Variants in NIBAN3 observed in about 807,000 individuals in gnomAD.
NIBAN3 encodes niban apoptosis regulator 3.
Under a neutral mutation model 76.4 loss-of-function variants are expected in NIBAN3, and 66 were observed. The observed-to-expected ratio is 0.86, with a 90% CI of 0.71 to 1.06. The LOEUF is 1.06. Among genes scored for constraint, NIBAN3 ranks in the 50% least tolerant of loss-of-function variants. NIBAN3 has a pLI of 0.00. For synonymous variants in NIBAN3, 360 were observed against 355.2 expected (o/e 1.01, Z -0.15); for missense variants, 808 against 810.7 (o/e 1.00, Z 0.04).
Position 17,539,252 on chromosome 19 carries a change from G to A in NIBAN3, c.698G>A (p.Gly233Asp), listed in dbSNP as rs2144723212. The change falls in exon 6 of 15, where the codon GGC (glycine) becomes GAC (aspartate). Residue 233 changes from glycine to aspartate, a missense_variant. Transcript: ENST00000599164. ...GHFGDDDVTLGSDAEVLTAVL... is the reference protein window; with the variant it reads ...GHFGDDDVTLDSDAEVLTAVL... ...TTTGGCGACGACGACGTGACCCTAG[G>A]CTCAGACGCCGAGGTTAGTGCCCCG... 6.2e-7 allele frequency: 1 copy of A among 1,604,344 alleles called. No individual in the cohort carries two copies. Among genetic ancestry groups the A allele is most frequent in the Non-Finnish European group, 8.5e-7 (1 of 1,175,822 alleles).
intron 4 of NIBAN3, among the ~76,000 whole-genome samples, chr19:17,535,618 C>A (rs1568447924): frequency 6.6e-6 from 1 of 152,008 alleles, no homozygotes; most frequent in Non-Finnish European, 1.5e-5. Flanking sequence ...CGTGGTGGCA[C>A]ACGCCTATAA....
intron 8 of NIBAN3, 75 bp from the exon 9 acceptor site, chr19:17,540,317 G>A: frequency 1.8e-6 from 2 of 1,138,714 alleles, no homozygotes; most frequent in Non-Finnish European, 2.3e-6. Context: ...CGTCCCCCTC[G>A]CGAGGGCCCC....
Position 17,542,341 on chromosome 19 carries a change from C to T in NIBAN3, c.1329+47C>T. 1 of 1,533,684 alleles carries T rather than the reference C, an allele frequency of 6.5e-7. No homozygotes were observed. Among genetic ancestry groups the T allele is most frequent in the Non-Finnish European group, 8.8e-7 (1 of 1,138,596 alleles). ...GATGAGGCCAGGCTGTGAAGACAGCCTCCACTGACCTCCTGCTAAGTGTGC... is the reference window on the plus strand; with the variant it reads ...GATGAGGCCAGGCTGTGAAGACAGCTTCCACTGACCTCCTGCTAAGTGTGC... On this transcript the variant is annotated intron_variant, in intron 10 of 14. Coordinates refer to ENST00000599164, the MANE Select transcript of NIBAN3 (RefSeq NM_001321827.2). The surrounding 1 kb of genome is among the most constrained non-coding windows in gnomAD (Gnocchi z 4.8).
intron 12 of NIBAN3, chr19:17,544,055 C>G (rs949227053): frequency 1.8e-5 from 3 of 163,164 alleles, no homozygotes; most frequent in African/African-American, 4.9e-5. Context: ...AATCCTAGCA[C>G]TTTGGGAGGC....
intron 1 of NIBAN3, among the ~76,000 whole-genome samples, chr19:17,529,849 C>T (rs2075680482): frequency 6.6e-6 from 1 of 152,042 alleles, no homozygotes; most frequent in Non-Finnish European, 1.5e-5. Context: ...TGCTTGAGGC[C>T]AGGAGTTTGA....
intron 14 of NIBAN3, among the ~76,000 whole-genome samples, chr19:17,550,713 G>A (rs539804026): frequency 6.6e-6 from 1 of 152,096 alleles, no homozygotes; most frequent in Admixed American, 6.6e-5. Context: ...AATATTTCAG[G>A]ATTTGCAATT....
intron 13 of NIBAN3, 35 bp downstream of exon 13, chr19:17,546,832 G>A: frequency 6.4e-7 from 1 of 1,560,488 alleles, no homozygotes; most frequent in Non-Finnish European, 8.7e-7. Context: ...AGAGGAGCCT[G>A]GCGTCCCTTG....
At chr19:17,546,078 A>G in intron 12 of NIBAN3, 1 of 300,820 alleles carries the variant, frequency 3.3e-6, no homozygotes, top group Non-Finnish European at 6.8e-6. Flanking sequence ...GTCCGGGCAT[A>G]ACAGAAGGCT....
rs560498339 is a variant in NIBAN3 at position 17,534,697 on chromosome 19, A to G, written c.427+996A>G. 3.1e-3 allele frequency among the ~76,000 whole-genome samples: 467 copies of G among 151,142 alleles called. 3 individuals are homozygous for G. Among genetic ancestry groups the G allele is most frequent in the African/African-American group, 0.011 (439 of 41,082 alleles). On this transcript the variant is annotated intron_variant, in intron 4 of 14. Transcript: ENST00000599164. ...TCCCAACTACTCAGGAGGCTGAGGC[A>G]GGAGAATGGCGTGAACCCGGGAGGC...
Position 17,552,066 on chromosome 19 carries a change from C to CCCCAA in NIBAN3, c.*168_*169insCCCAA, listed in dbSNP as rs2076166225. ...ATTTATTTGTGTATTTTCCCCAAGGCTTTCTTTATTTTAATTTTTTTTTTT... is the reference window on the plus strand; with the variant it reads ...ATTTATTTGTGTATTTTCCCCAAGGCCCCAATTTCTTTATTTTAATTTTTTTTTTT... On this transcript the variant is annotated 3_prime_UTR_variant, in exon 15 of 15. Coordinates refer to ENST00000599164, the MANE Select transcript of NIBAN3 (RefSeq NM_001321827.2). 5.5e-5 allele frequency: 23 copies of CCCCAA among 417,758 alleles called. No individual in the cohort carries two copies. The highest frequency in any genetic ancestry group is 8.9e-5 in the Non-Finnish European group (21 of 235,606). The allele number at this position is 417,758 out of a possible 1,614,324, so 25.9% of individuals were successfully genotyped here. A position where few individuals can be genotyped will look rare whatever the true frequency, so the allele number is the denominator to read the frequency against.
In NIBAN3 at chr19:17,549,655, C is replaced by G. The variant is rs1384994859; in HGVS notation, c.1750+128C>G. On this transcript the variant is annotated intron_variant, in intron 14 of 14. Coordinates refer to ENST00000599164, the MANE Select transcript of NIBAN3 (RefSeq NM_001321827.2). ...GGACGGAACAGAATGCACTTTGTCTCCTTACCCAGCCAGCCTGGCCAAGCT... is the reference window on the plus strand; with the variant it reads ...GGACGGAACAGAATGCACTTTGTCTGCTTACCCAGCCAGCCTGGCCAAGCT... 3.7e-6 allele frequency: 3 copies of G among 806,044 alleles called. No homozygotes were observed. The African/African-American group carries it at 5.0e-5, about 14-fold the overall frequency. The allele number at this position is 806,044 out of a possible 1,614,324, so 49.9% of individuals were successfully genotyped here.
rs752950159 is a variant in NIBAN3, at chr19:17,540,426, C to T, written c.1014C>T (p.Arg338=). The T allele has an allele frequency of 3.3e-6, 5 of 1,530,752 alleles. No individual in the cohort carries two copies. Among genetic ancestry groups the T allele is most frequent in the South Asian group, 1.2e-5 (1 of 81,714 alleles). The allele number at this position is 1,530,752 out of a possible 1,614,324, so 94.8% of individuals were successfully genotyped here. A position where few individuals can be genotyped will look rare whatever the true frequency, so the allele number is the denominator to read the frequency against. Residue 338 remains arginine, a synonymous_variant, in exon 9 of 15, where the codon CGC becomes CGT. Transcript: ENST00000599164. ...GGGGACCGCTCGAGTCGTGCCTGCGCCGGGAGGTGGACCCGCAGCTGCCCC... is the reference window on the plus strand; with the variant it reads ...GGGGACCGCTCGAGTCGTGCCTGCGTCGGGAGGTGGACCCGCAGCTGCCCC... ...DIRGPLESCL[R]REVDPQLPRV...
intron 9 of NIBAN3, among the ~76,000 whole-genome samples, chr19:17,541,644 CTTATTTTATTTTATTTTATT>C (rs10528626): frequency 0.028 from 3,897 of 137,030 alleles, 70 homozygotes; most frequent in South Asian, 0.058. Flanking sequence ...CTCACTGCTA[CTTATTTTATTTTATTTTATT>C]TTATTTTATT....
rs1173938705 is a variant in NIBAN3 at position 17,539,650 on chromosome 19, G to T, written c.864G>T (p.Gly288=). 5 of 1,568,702 alleles carry T rather than the reference G, an allele frequency of 3.2e-6. No homozygotes were observed. The East Asian group carries it at 1.2e-4, about 37-fold the overall frequency. ...HAAVLAGASA[G]LCAFQPEKDE... ...CTGTCCTGGCCGGGGCCTCCGCCGG[G>T]CTCTGCGCCTTCCAGCCCGAAAAGG... The change falls in exon 8 of 15, where the codon GGG becomes GGT. Residue 288 remains glycine, a synonymous_variant. Transcript: ENST00000599164.
At chr19:17,541,086 C>T (rs1052705178) in intron 9 of NIBAN3, among the ~76,000 whole-genome samples, 6 of 152,120 alleles carry the variant, frequency 3.9e-5, no homozygotes, top group Non-Finnish European at 5.9e-5. Context: ...AGAAAAGTGG[C>T]AATTTAGCAA....
chr19:17,551,978 T>A lies in NIBAN3; in HGVS notation c.*80T>A. The A allele has an allele frequency of 1.5e-6, 1 of 664,170 alleles. No homozygotes were observed. Among genetic ancestry groups the A allele is most frequent in the South Asian group, 1.6e-5 (1 of 61,080 alleles). The allele number at this position is 664,170 out of a possible 1,614,324, so 41.1% of individuals were successfully genotyped here. A position where few individuals can be genotyped will look rare whatever the true frequency, so the allele number is the denominator to read the frequency against. ...TCTGGGCCAAAACGGATGTGCCATCTTTAGGCTTTTGTAACCCCTGCAACT... is the reference window on the plus strand; with the variant it reads ...TCTGGGCCAAAACGGATGTGCCATCATTAGGCTTTTGTAACCCCTGCAACT... On this transcript the variant is annotated 3_prime_UTR_variant, in exon 15 of 15. Coordinates refer to ENST00000599164, the MANE Select transcript of NIBAN3 (RefSeq NM_001321827.2).
At chr19:17,525,935 A>G (rs2075601964), upstream of NIBAN3, among the ~76,000 whole-genome samples, 2 of 152,018 alleles carry the variant, frequency 1.3e-5, no homozygotes. Flanking sequence ...CCCCATCTCT[A>G]CTAAACAAAA....
At chr19:17,536,695 G>A (rs1372740168) in intron 4 of NIBAN3, among the ~76,000 whole-genome samples, 2 of 152,270 alleles carry the variant, frequency 1.3e-5, no homozygotes, top group South Asian at 2.1e-4. Flanking sequence ...ATGAGCCACC[G>A]CGGCTGGTCC....
At chr19:17,526,835 G>A (rs540681566), upstream of NIBAN3, among the ~76,000 whole-genome samples, 9 of 151,906 alleles carry the variant, frequency 5.9e-5, no homozygotes, top group Non-Finnish European at 1.2e-4. Flanking sequence ...CTGACCTCAG[G>A]GACAGTCTGG....
Sources: allele counts gnomAD v4.1 joint callset (sites outside exome capture counted in the v4.1 genomes callset), GRCh38; gene constraint gnomAD v4.1.1; non-coding constraint Gnocchi (gnomAD v3.1); transcripts MANE v1.5; gene names NCBI Gene and HGNC (gene_info 2026-07-23, HGNC 2026-07-21).